Variants in VPS36 observed in about 807,000 individuals in gnomAD.
The protein encoded by VPS36 is vacuolar protein-sorting-associated protein 36.
Under a neutral mutation model 63.5 loss-of-function variants are expected in VPS36, and 31 were observed. The ratio of observed to expected loss-of-function variants is 0.49; its 90% CI spans 0.37 to 0.66. The LOEUF (loss-of-function observed/expected upper bound fraction) is 0.66. VPS36 is among the 30% of genes least tolerant of loss of function. The pLI is 0.00. For missense variants in VPS36, 338 were observed against 463.7 expected, an observed-to-expected ratio of 0.73 and a Z score of 2.49; for synonymous variants, 138 against 157.2, an observed-to-expected ratio of 0.88 and a Z score of 0.91.
chr13:52,423,138 T>C (rs1047784819), intron 10 of VPS36, among the ~76,000 whole-genome samples: 3 of 152,228 alleles, frequency 2.0e-5, no homozygotes, highest in African/African-American at 7.2e-5. Context: ...ATCTTTCTTT[T>C]GTAAATTGCC....
chr13:52,427,736 G>T (rs1384689303), intron 6 of VPS36, among the ~76,000 whole-genome samples: 1 of 151,798 alleles, frequency 6.6e-6, no homozygotes, highest in Non-Finnish European at 1.5e-5. Context: ...CAAACAAACT[G>T]CAAAAGAACT....
intron 6 of VPS36, among the ~76,000 whole-genome samples, chr13:52,432,551 A>C (rs1465938551): frequency 1.6e-4 from 25 of 152,220 alleles, no homozygotes; most frequent in Non-Finnish European, 2.9e-5. Flanking sequence ...AAAAATAAAC[A>C]CAGAATTATC....
At chr13:52,450,437 G>A (rs1014713981) in intron 1 of VPS36, 62 bp downstream of exon 1, 1 of 1,507,006 alleles carries the variant, frequency 6.6e-7, no homozygotes, top group African/African-American at 1.4e-5. Context: ...CGCTGAGCCG[G>A]GCCGCGCGCC....
At chr13:52,422,201 G>A (rs1443277085) in intron 10 of VPS36, among the ~76,000 whole-genome samples, 1 of 152,090 alleles carries the variant, frequency 6.6e-6, no homozygotes, top group Non-Finnish European at 1.5e-5. Context: ...GCACATGAGT[G>A]AGAACATGCA....
chr13:52,445,362 G>A (rs1431931932), intron 1 of VPS36, among the ~76,000 whole-genome samples: 2 of 152,184 alleles, frequency 1.3e-5, no homozygotes, highest in Non-Finnish European at 2.9e-5. Context: ...AATGCTGGCC[G>A]GGCGCGGTGG....
rs146360130 is a variant in VPS36, at chr13:52,418,967, C to T, written c.841-911G>A. On this transcript the variant is annotated intron_variant, in intron 10 of 13. Coordinates refer to ENST00000378060, the MANE Select transcript of VPS36 (RefSeq NM_016075.4). ...CACTGTCTCTGGCTGTGGCCTTGCT[C>T]AAGTTATTTCATCTTTCTAAGTTTC... Among the ~76,000 whole-genome samples, 1,056 of 152,318 alleles carry T rather than the reference C, an allele frequency of 6.9e-3. 13 individuals carry two copies. Among genetic ancestry groups the T allele is most frequent in the African/African-American group, 0.023 (951 of 41,556 alleles).
At chr13:52,435,033 G>C in intron 4 of VPS36, 151 bp from the exon 5 acceptor site, 1 of 682,634 alleles carries the variant, frequency 1.5e-6, no homozygotes, top group Admixed American at 3.2e-5. Context: ...GTGCAATGGC[G>C]TGATCTAGGC....
chr13:52,448,345 C>T (rs139528369), intron 1 of VPS36, among the ~76,000 whole-genome samples: 5 of 152,304 alleles, frequency 3.3e-5, no homozygotes, highest in Admixed American at 3.3e-4. Flanking sequence ...GGAAACCTTC[C>T]AAAAGATGAA....
intron 6 of VPS36, among the ~76,000 whole-genome samples, chr13:52,432,338 A>G (rs1231123140): frequency 6.6e-6 from 1 of 152,122 alleles, no homozygotes; most frequent in Non-Finnish European, 1.5e-5. Context: ...GCGACAGAGC[A>G]AGACTCTGTC....
At chr13:52,420,949 C>T (rs1423495626) in intron 10 of VPS36, among the ~76,000 whole-genome samples, 3 of 152,066 alleles carry the variant, frequency 2.0e-5, no homozygotes, top group Non-Finnish European at 2.9e-5. Context: ...GGGGAAACCC[C>T]GATTCTACTA....
intron 4 of VPS36, 80 bp from the exon 5 acceptor site, chr13:52,434,962 TC>T: frequency 4.7e-6 from 6 of 1,267,028 alleles, no homozygotes; most frequent in South Asian, 2.8e-5. Flanking sequence ...AACATTTCTT[TC>T]TTTTTTTCTT....
rs777666315 is a variant in VPS36, at chr13:52,450,526, C to T, written c.69G>A (p.Gly23=). The T allele has an allele frequency of 2.5e-6, 4 of 1,594,980 alleles. No homozygotes were observed. The African/African-American group carries it at 5.5e-5, about 22-fold the overall frequency. The part of the protein sequence containing the change: ...INETLVIQQR[G]VRIYDGEEKI... ...TCTCCTCGCCATCGTAGATTCGCAC[C>T]CCGCGCTGCTGGATCACCAGGGTCT... The change falls in exon 1 of 14, where the codon GGG becomes GGA. Residue 23 remains glycine, a synonymous_variant. Coordinates refer to ENST00000378060, the MANE Select transcript of VPS36 (RefSeq NM_016075.4).
In VPS36 at chr13:52,416,025, G is replaced by T. The variant is rs1325501472; in HGVS notation, c.1059C>A (p.Ala353=). ...GTAAGAACCTTACTTACCTTTCTTT[G>T]GCTAGGAGGACAGACATTCCCACAA... The part of the protein sequence containing the change: ...AKLVGMSVLL[A]KERLLLAEKM... Residue 353 remains alanine (A), a synonymous_variant, in exon 13 of 14, where the codon GCC becomes GCA. Coordinates refer to ENST00000378060, the MANE Select transcript of VPS36 (RefSeq NM_016075.4). The T allele has an allele frequency of 1.2e-6, 2 of 1,613,676 alleles. No individual in the cohort carries two copies. The highest frequency in any genetic ancestry group is 3.3e-5 in the Admixed American group (2 of 59,944).
chr13:52,427,207 G>C lies in VPS36; in HGVS notation c.541C>G (p.Leu181Val), dbSNP rs774117351. 1 of 1,613,130 alleles carries C rather than the reference G, an allele frequency of 6.2e-7. No homozygotes were observed. Residue 181 changes from leucine (L) to valine (V), a missense_variant, in exon 7 of 14, where the codon CTC becomes GTC. Physicochemically the swap from Leu to Val is conservative, Grantham distance 32. Coordinates refer to ENST00000378060, the MANE Select transcript of VPS36 (RefSeq NM_016075.4). ...DKNISEAFED[L>V]SKLMIKAKEM... ...TATACCTTGATCATTAGTTTGCTGA[G>C]GTCTTCAAAGGCCTGAAATGAGAAA...
chr13:52,420,519 G>C (rs952714076), intron 10 of VPS36, among the ~76,000 whole-genome samples: 2 of 151,646 alleles, frequency 1.3e-5, no homozygotes, highest in Non-Finnish European at 2.9e-5. Flanking sequence ...TTTTAGTAGA[G>C]ATGGGGTTTC....
At chr13:52,445,547 G>A (rs1958328893) in intron 1 of VPS36, among the ~76,000 whole-genome samples, 1 of 150,120 alleles carries the variant, frequency 6.7e-6, no homozygotes, top group Non-Finnish European at 1.5e-5. Flanking sequence ...GCTGAGGCAG[G>A]AGAATGGCGT....
At chr13:52,423,426 C>G (rs1197468876) in intron 10 of VPS36, 148 bp downstream of exon 10, 1 of 522,548 alleles carries the variant, frequency 1.9e-6, no homozygotes, top group African/African-American at 2.0e-5. Flanking sequence ...AATCTACCTC[C>G]TAGATCCCAG....
At chr13:52,428,101 G>A (rs1409740120) in intron 6 of VPS36, among the ~76,000 whole-genome samples, 1 of 152,012 alleles carries the variant, frequency 6.6e-6, no homozygotes, top group Non-Finnish European at 1.5e-5. Context: ...TAGATATGGT[G>A]GCTATCACAA....
chr13:52,450,137 G>A, intron 1 of VPS36: 1 of 998,532 alleles, frequency 1.0e-6, no homozygotes, highest in Non-Finnish European at 1.2e-6. Context: ...CGCCAAGGAA[G>A]TCGACTGCCG....
Sources: allele counts gnomAD v4.1 joint callset (sites outside exome capture counted in the v4.1 genomes callset), GRCh38; gene constraint gnomAD v4.1.1; transcripts MANE v1.5; gene names NCBI Gene and HGNC (gene_info 2026-07-23, HGNC 2026-07-21).